Variants in MADD observed in about 807,000 individuals in gnomAD.
MADD encodes MAP kinase-activating death domain protein.
MADD carries 109 observed loss-of-function variants against 176.7 expected under a neutral mutation model. That is an observed-to-expected ratio of 0.62 (90% confidence interval 0.53 to 0.72). The LOEUF is 0.72. Ranked by LOEUF, MADD falls within the 30% of genes least tolerant of loss-of-function variation. The pLI, the probability that MADD is intolerant of heterozygous loss-of-function variation, is 0.00. For synonymous variants in MADD, 771 were observed against 771.3 expected (o/e 1.00, Z 0.01); for missense variants, 1,914 against 2,045.5 (o/e 0.94, Z 1.24).
Position 47,328,653 on chromosome 11 carries a change from TTTAG to T in MADD, c.4613-2_4614del. 1 of 1,614,216 alleles carries T rather than the reference TTTAG, an allele frequency of 6.2e-7. No individual in the cohort carries two copies. Among genetic ancestry groups the T allele is most frequent in the Non-Finnish European group, 8.5e-7 (1 of 1,180,050 alleles). On this transcript the variant is annotated splice_acceptor_variant and splice_polypyrimidine_tract_variant and intron_variant, in intron 31 of 32. Coordinates refer to ENST00000402192, the Ensembl canonical transcript of MADD. LOFTEE classifies it high-confidence loss of function. The stretch of plus-strand genomic sequence containing the variant: ...CTGTTTTGTCTCTTGCCCGTCCGGT[TTTAG>T]TTCCTGAAATTAAAGAAGTGGTGAG...
chr11:47,278,901 A>G, intron 6 of MADD, 98 bp from the exon 7 acceptor site: 1 of 927,806 alleles, frequency 1.1e-6, no homozygotes, highest in Admixed American at 2.1e-5. Flanking sequence ...CGTTTATATA[A>G]TAATAATGTA....
rs1021943980 is a variant in MADD at position 47,325,490 on chromosome 11, G to A, written c.4542+913G>A. On this transcript the variant is annotated intron_variant, in intron 30 of 32. Coordinates refer to ENST00000402192, the Ensembl canonical transcript of MADD. The surrounding 1 kb of genome is among the most constrained non-coding windows in gnomAD (Gnocchi z 4.5). ...CAGGGGAGGTGGATGCCTGACTGACGTGGCTGTCTCCCTCCCTCCGCTAGC... is the reference window on the plus strand; with the variant it reads ...CAGGGGAGGTGGATGCCTGACTGACATGGCTGTCTCCCTCCCTCCGCTAGC... Among the ~76,000 whole-genome samples the A allele has an allele frequency of 6.6e-6, 1 of 152,184 alleles. No individual in the cohort carries two copies. The highest frequency in any genetic ancestry group is 1.5e-5 in the Non-Finnish European group (1 of 68,046).
chr11:47,318,734 C>T (rs1364043731), intron 27 of MADD, among the ~76,000 whole-genome samples: 1 of 150,452 alleles, frequency 6.6e-6, no homozygotes, highest in African/African-American at 2.4e-5. Context: ...TTTGATTTAG[C>T]CTTTCTCAGA....
chr11:47,271,636 A>G (rs1390140219), intron 1 of MADD, among the ~76,000 whole-genome samples: 1 of 152,110 alleles, frequency 6.6e-6, no homozygotes, highest in Non-Finnish European at 1.5e-5. Flanking sequence ...ATGTAAACAT[A>G]GATTGCAAGG....
chr11:47,281,657 T>C, exon 8 of MADD: 2 of 1,613,540 alleles, frequency 1.2e-6, no homozygotes, highest in Non-Finnish European at 1.7e-6. Flanking sequence ...CCCCTTCTCT[T>C]GGGAAGGCCT....
chr11:47,274,275 T>C (rs1188477862), intron 2 of MADD, among the ~76,000 whole-genome samples: 4 of 152,224 alleles, frequency 2.6e-5, no homozygotes, highest in Non-Finnish European at 4.4e-5. Context: ...ACTTTTTTGG[T>C]AATTTATTAG....
intron 19 of MADD, among the ~76,000 whole-genome samples, chr11:47,291,077 G>T (rs1488755849): frequency 6.6e-6 from 1 of 152,150 alleles, no homozygotes; most frequent in African/African-American, 2.4e-5. Context: ...ACTGCAGGGG[G>T]TGTGAGCTGT....
chr11:47,327,187 A>G, intron 31 of MADD: 1 of 1,012,260 alleles, frequency 9.9e-7, no homozygotes, highest in Non-Finnish European at 1.2e-6. Context: ...CTAGCAGCCC[A>G]GTGCGCTAGC....
chr11:47,323,755 T>C, exon 28 of MADD: 1 of 1,614,206 alleles, frequency 6.2e-7, no homozygotes, highest in Non-Finnish European at 8.5e-7. Flanking sequence ...CAACATGACC[T>C]ACTGTCCCAA....
At chr11:47,295,203 G>A (rs2070106870) in intron 20 of MADD, among the ~76,000 whole-genome samples, 1 of 151,902 alleles carries the variant, frequency 6.6e-6, no homozygotes, top group Admixed American at 6.6e-5. Context: ...GTAGAGATGG[G>A]GTTTCGCCAT....
chr11:47,323,237 C>CAA (rs11341336), intron 27 of MADD, among the ~76,000 whole-genome samples: 6 of 108,974 alleles, frequency 5.5e-5, no homozygotes, highest in East Asian at 3.3e-4. Flanking sequence ...GACTCCATCT[C>CAA]AAAAAAAAAA....
At chr11:47,292,283 C>G (rs2065976535) in intron 19 of MADD, among the ~76,000 whole-genome samples, 1 of 152,148 alleles carries the variant, frequency 6.6e-6, no homozygotes, top group Non-Finnish European at 1.5e-5. Context: ...AAGGGCACTT[C>G]CAGCTCTAAC....
At chr11:47,287,466 A>C (rs1269883779) in intron 15 of MADD, among the ~76,000 whole-genome samples, 1 of 151,954 alleles carries the variant, frequency 6.6e-6, no homozygotes. Flanking sequence ...ATGGAGTGCA[A>C]GGTGGTGATC....
At chr11:47,308,947 C>A (rs1250545431) in intron 23 of MADD, 33 bp from the exon 26 acceptor site, 3 of 1,594,384 alleles carry the variant, frequency 1.9e-6, no homozygotes, top group Admixed American at 3.4e-5. Context: ...TCCTTTCTTG[C>A]TACCATGGTC....
At chr11:47,328,854 C>A in intron 32 of MADD, 150 bp downstream of exon 36, 1 of 1,095,162 alleles carries the variant, frequency 9.1e-7, no homozygotes, top group Non-Finnish European at 1.3e-6. Flanking sequence ...TGAAACAGGT[C>A]TTGAGCCCTG....
At chr11:47,308,458 G>C in intron 22 of MADD, 133 bp from the exon 25 acceptor site, 2 of 594,732 alleles carry the variant, frequency 3.4e-6, no homozygotes, top group Non-Finnish European at 3.0e-6. Context: ...TGGACTTGCA[G>C]AAGCAGGGGT....
rs569056590 is a variant in MADD at position 47,275,539 on chromosome 11, C to T, written c.660-360C>T. Among the ~76,000 whole-genome samples the T allele has an allele frequency of 1.2e-4, 18 of 152,338 alleles. No individual in the cohort carries two copies. The South Asian group carries it at 3.5e-3, about 30-fold the overall frequency. On this transcript the variant is annotated intron_variant, in intron 3 of 32. Transcript: ENST00000402192. ...CTCCTCACCTCAGGTGGTCCACCCA[C>T]GTTGGCCTCCCAAAGTGCTGGGATT... is the stretch of plus-strand genomic sequence containing the variant.
At position 47,285,557 on chromosome 11, in the gene MADD, A is replaced by G. The variant is rs768287620; in HGVS notation, c.2518A>G (p.Thr840Ala). The G allele has an allele frequency of 3.1e-6, 5 of 1,614,090 alleles. No homozygotes were observed. In the East Asian group the frequency reaches 6.7e-5, roughly 22 times the overall value. ...CAACTCCACCGTCTCCAACACCAGC[A>G]CCGAGGGCTTCGGGGGCATCATGTC... Residue 840 changes from threonine to alanine, a missense_variant, in exon 14 of 33, where the codon ACC becomes GCC. Physicochemically the swap from Thr to Ala is moderately conservative, Grantham distance 58 (BLOSUM62 0). Around this residue, in one of 2 missense-constraint regions of MADD, gnomAD observed 1,767 missense variants for 1,836.0 expected, o/e 0.96. Transcript: ENST00000402192.
At chr11:47,283,004 G>T in intron 10 of MADD, 35 bp downstream of exon 10, 1 of 1,599,916 alleles carries the variant, frequency 6.3e-7, no homozygotes, top group East Asian at 2.2e-5. Flanking sequence ...AGGTTTTAAA[G>T]GTGAGGAGGC....
Sources: gnomAD v4.1 joint callset for allele counts (sites outside exome capture counted in the v4.1 genomes callset) on GRCh38, gnomAD v4.1.1 for gene constraint, gnomAD v4.1.1 regional missense constraint, Gnocchi (gnomAD v3.1) non-coding constraint, MANE v1.5 for transcripts, NCBI Gene and HGNC (gene_info 2026-07-23, HGNC 2026-07-21) for gene names.